TET2: variants seen among roughly 807,000 people sequenced by gnomAD.
TET2 encodes the protein methylcytosine dioxygenase TET2.
TET2 carries 299 observed loss-of-function variants against 142.9 expected under a neutral mutation model. The ratio of observed to expected loss-of-function variants is 2.09; its 90% CI spans 1.90 to 2.30. TET2 has a LOEUF of 2.30. Among genes scored for constraint, TET2 ranks in the 30% most tolerant of loss-of-function variants. The probability of loss-of-function intolerance (pLI) is 0.00; values close to 1 mark genes in which losing one functional copy is unlikely to be tolerated. For synonymous variants in TET2, 819 were observed against 849.0 expected (o/e 0.96, Z 0.61); for missense variants, 2,418 against 2,378.0 (o/e 1.02, Z -0.35).
At chr4:105,273,170 C>G (rs1012234401) in intron 10 of TET2, among the ~76,000 whole-genome samples, 1 of 152,144 alleles carries the variant, frequency 6.6e-6, no homozygotes, top group East Asian at 1.9e-4. Flanking sequence ...CCCACTCCCC[C>G]ACCATGTGTC....
intron 2 of TET2, among the ~76,000 whole-genome samples, chr4:105,203,561 A>G (rs934035212): frequency 6.6e-6 from 1 of 151,458 alleles, no homozygotes; most frequent in Non-Finnish European, 1.5e-5. Flanking sequence ...TTTGTATACC[A>G]ATACATTACA....
rs150379260 is a variant in TET2, at chr4:105,237,012, A to G, written c.3070A>G (p.Ile1024Val). 1.9e-6 allele frequency: 3 copies of G among 1,614,096 alleles called. No homozygotes were observed. The highest frequency in any genetic ancestry group is 2.7e-5 in the African/African-American group (2 of 74,934). The change falls in exon 3 of 11, where the codon ATC becomes GTC. Residue 1024 changes from isoleucine to valine, a missense_variant. Physicochemically the swap from Ile to Val is conservative, Grantham distance 29. Coordinates refer to ENST00000380013, the MANE Select transcript of TET2 (RefSeq NM_001127208.3). ...ASCDNVQQKSIIETMEQHLKQ... is the reference protein window; with the variant it reads ...ASCDNVQQKSVIETMEQHLKQ... ...CTGTGATAATGTGCAGCAAAAGAGC[A>G]TCATTGAGACCATGGAGCAGCATCT...
intron 1 of TET2, among the ~76,000 whole-genome samples, chr4:105,163,588 T>C (rs1278113258): frequency 6.6e-6 from 1 of 152,186 alleles, no homozygotes; most frequent in African/African-American, 2.4e-5. Flanking sequence ...CTAATTCTTA[T>C]GTCATCTATA....
intron 2 of TET2, among the ~76,000 whole-genome samples, chr4:105,197,418 T>G (rs1006341537): frequency 1.3e-5 from 2 of 152,218 alleles, no homozygotes; most frequent in Non-Finnish European, 2.9e-5. Flanking sequence ...ATAGATTTTC[T>G]TATCCAGCAG....
intron 6 of TET2, among the ~76,000 whole-genome samples, chr4:105,248,465 A>T (rs1348656649): frequency 6.6e-6 from 1 of 152,236 alleles, no homozygotes; most frequent in Non-Finnish European, 1.5e-5. Flanking sequence ...TGTTATATAG[A>T]TGACATTTTA....
At chr4:105,269,776 C>T (rs1341336341) in intron 9 of TET2, 29 bp downstream of exon 9, 2 of 1,549,752 alleles carry the variant, frequency 1.3e-6, no homozygotes, top group Middle Eastern at 1.7e-4. Flanking sequence ...AGCTTAGCAG[C>T]TGTTGAGTCT....
chr4:105,182,603 G>C (rs1000287731), intron 1 of TET2, among the ~76,000 whole-genome samples: 1 of 152,034 alleles, frequency 6.6e-6, no homozygotes, highest in African/African-American at 2.4e-5. Context: ...TTTCCTATAC[G>C]TTTTGAAATC....
At position 105,276,835 on chromosome 4, in the gene TET2, T is replaced by TGGTGGGGGGGGGGGGGGGGGGGGGGG; in HGVS notation, c.*317_*318insGTGGGGGGGGGGGGGGGGGGGGGGGG. 4.4e-6 allele frequency: 1 copy of TGGTGGGGGGGGGGGGGGGGGGGGGGG among 228,252 alleles called. No homozygotes were observed. The highest frequency in any genetic ancestry group is 8.0e-6 in the Non-Finnish European group (1 of 125,256). 14.1% of individuals were successfully genotyped at this position (228,252 alleles called of 1,614,324 possible). On this transcript the variant is annotated 3_prime_UTR_variant, in exon 11 of 11. Transcript: ENST00000380013. The stretch of plus-strand genomic sequence containing the variant: ...TATTGGACGAGATGATATGTAAATG[T>TGGTGGGGGGGGGGGGGGGGGGGGGGG]GATCCCCCCCCCCCGCTTACAACTC...
chr4:105,249,447 C>A (rs546137843), intron 6 of TET2, among the ~76,000 whole-genome samples: 1 of 152,320 alleles, frequency 6.6e-6, no homozygotes, highest in East Asian at 1.9e-4. Flanking sequence ...TTTTCAGTTA[C>A]CTTGGGATAT....
At chr4:105,240,753 G>C in intron 3 of TET2, 1 of 1,079,868 alleles carries the variant, frequency 9.3e-7, no homozygotes, top group Non-Finnish European at 1.1e-6. Context: ...CTTTTTGCCT[G>C]ACTCTCCAGG....
intron 2 of TET2, among the ~76,000 whole-genome samples, chr4:105,212,664 TTTTAA>T (rs777345589): frequency 1.4e-4 from 22 of 152,328 alleles, no homozygotes; most frequent in Non-Finnish European, 2.5e-4. Flanking sequence ...TATTAGTCTC[TTTTAA>T]TTTTCTATTT....
At position 105,269,730 on chromosome 4, in the gene TET2, C is replaced by T. The variant is rs1560569543; in HGVS notation, c.4165C>T (p.Gln1389Ter). Residue 1389 changes from glutamine (Q) to a stop codon, truncating the protein, a stop_gained, in exon 9 of 11, where the codon CAG becomes TAG. Transcript: ENST00000380013. LOFTEE classifies it high-confidence loss of function. Reference protein sequence around the residue: ...AHAHRDLHNMQNGSTLVCTLT... With the variant: ...AHAHRDLHNM The stretch of plus-strand genomic sequence containing the variant: ...TGCCCACAGAGACTTGCACAACATG[C>T]AGAATGGCAGCACATTGGTAAGTTG... 6.4e-7 allele frequency: 1 copy of T among 1,551,544 alleles called. No homozygotes were observed. The highest frequency in any genetic ancestry group is 8.7e-7 in the Non-Finnish European group (1 of 1,146,898).
At chr4:105,192,701 C>T (rs1725854789) in intron 2 of TET2, among the ~76,000 whole-genome samples, 1 of 152,156 alleles carries the variant, frequency 6.6e-6, no homozygotes, top group South Asian at 2.1e-4. Context: ...GCAAAAATCT[C>T]TTCCCTTGTT....
At chr4:105,233,205 A>T (rs1215572561) in intron 2 of TET2, among the ~76,000 whole-genome samples, 1 of 151,730 alleles carries the variant, frequency 6.6e-6, no homozygotes, top group African/African-American at 2.4e-5. Flanking sequence ...CCAACATAGT[A>T]AAACCCCATC....
intron 1 of TET2, among the ~76,000 whole-genome samples, chr4:105,167,176 A>G (rs1724194214): frequency 6.6e-6 from 1 of 151,924 alleles, no homozygotes; most frequent in Admixed American, 6.6e-5. Context: ...TATTTTTGTT[A>G]ATTGAAATTT....
chr4:105,152,040 G>T (rs1723328837), intron 1 of TET2, among the ~76,000 whole-genome samples: 1 of 152,062 alleles, frequency 6.6e-6, no homozygotes, highest in African/African-American at 2.4e-5. Flanking sequence ...CACTTTGGGA[G>T]GCCGAGGCAG....
At chr4:105,151,188 G>A (rs1036579558) in intron 1 of TET2, among the ~76,000 whole-genome samples, 2 of 151,926 alleles carry the variant, frequency 1.3e-5, no homozygotes, top group African/African-American at 4.8e-5. Flanking sequence ...GGGCATGGTG[G>A]TACATTCCTG....
At chr4:105,153,751 C>T (rs950923995) in intron 1 of TET2, among the ~76,000 whole-genome samples, 2 of 152,184 alleles carry the variant, frequency 1.3e-5, no homozygotes, top group Non-Finnish European at 2.9e-5. Context: ...TATTATACTT[C>T]ATCATTATCA....
chr4:105,249,672 G>T (rs1166351796), intron 6 of TET2, among the ~76,000 whole-genome samples: 2 of 152,218 alleles, frequency 1.3e-5, no homozygotes, highest in South Asian at 2.1e-4. Flanking sequence ...ATTTTGATTT[G>T]CATTTTCCTA....
Sources: allele counts gnomAD v4.1 joint callset (sites outside exome capture counted in the v4.1 genomes callset), GRCh38; gene constraint gnomAD v4.1.1; transcripts MANE v1.5; gene names NCBI Gene and HGNC (gene_info 2026-07-23, HGNC 2026-07-21).